MTAP: variants seen among roughly 807,000 people sequenced by gnomAD.
MTAP encodes S-methyl-5'-thioadenosine phosphorylase.
In MTAP, 33 loss-of-function variants were observed where a neutral mutation model predicts 33.6. The ratio of observed to expected loss-of-function variants is 0.98; its 90% confidence interval spans 0.74 to 1.31. The LOEUF (loss-of-function observed/expected upper bound fraction) is 1.31. MTAP is among the 40% of genes most tolerant of loss of function. MTAP has a pLI of 0.00. For missense variants in MTAP, 367 were observed against 360.0 expected, an observed-to-expected ratio of 1.02 and a Z score of -0.16; for synonymous variants, 148 against 125.7, an observed-to-expected ratio of 1.18 and a Z score of -1.19.
downstream of MTAP, chr9:21,932,089 G>C (rs1030000783): frequency 6.6e-6 from 1 of 152,084 alleles, no homozygotes; most frequent in Admixed American, 6.6e-5. Context: ...AAAAATGTAC[G>C]TTGACTGACT....
intron 4 of MTAP, among the ~76,000 whole-genome samples, chr9:21,819,353 A>C (rs1444500703): frequency 6.6e-6 from 1 of 152,018 alleles, no homozygotes; most frequent in East Asian, 1.9e-4. Flanking sequence ...AAGTGTTCTC[A>C]TTGTTCAGTT....
chr9:21,891,171 C>T (rs1045442438), intron 1 of MTAP, among the ~76,000 whole-genome samples: 1 of 152,060 alleles, frequency 6.6e-6, no homozygotes, highest in African/African-American at 2.4e-5. Flanking sequence ...ATTCAAGAAA[C>T]ATCAAGCCAC....
At chr9:21,848,554 G>C (rs760466035) in intron 5 of MTAP, among the ~76,000 whole-genome samples, 4 of 152,146 alleles carry the variant, frequency 2.6e-5, no homozygotes, top group Non-Finnish European at 4.4e-5. Flanking sequence ...GAACAAGCTG[G>C]AAATGCCTGA....
At chr9:21,819,842 G>T (rs1233258825) in intron 4 of MTAP, among the ~76,000 whole-genome samples, 1 of 152,214 alleles carries the variant, frequency 6.6e-6, no homozygotes. Flanking sequence ...TCTAACTGGT[G>T]TGAGATGGTA....
At chr9:21,910,332 ATAAAT>A (rs557853665) in intron 1 of MTAP, among the ~76,000 whole-genome samples, 394 of 152,240 alleles carry the variant, frequency 2.6e-3, no homozygotes, top group Non-Finnish European at 3.6e-3. Flanking sequence ...AAAAAAAGAA[ATAAAT>A]TATATAGTAT....
intron 5 of MTAP, among the ~76,000 whole-genome samples, chr9:21,839,221 G>A (rs1436475790): frequency 2.0e-5 from 3 of 146,606 alleles, no homozygotes; most frequent in Non-Finnish European, 4.5e-5. Flanking sequence ...GTATATGTAT[G>A]TATAGCATGT....
Position 21,854,780 on chromosome 9 carries a change from A to G in MTAP, c.600A>G (p.Pro200=). The change falls in exon 6 of 8, where the codon CCA becomes CCG. Residue 200 remains proline, a synonymous_variant. Transcript: ENST00000644715. ...ATGTTATCAACATGACCACAGTTCC[A>G]GAGGTGGTTCTTGCTAAGGAGGCTG... ...GADVINMTTV[P]EVVLAKEAGI... 1 of 1,614,184 alleles carries G rather than the reference A, an allele frequency of 6.2e-7. No individual in the cohort carries two copies.
intron 4 of MTAP, 67 bp from the exon 5 acceptor site, chr9:21,837,841 C>A: frequency 7.7e-7 from 1 of 1,297,360 alleles, no homozygotes; most frequent in Non-Finnish European, 1.1e-6. Context: ...GACTCACCAG[C>A]CCTCGGAGGA....
chr9:21,864,552 C>T lies in MTAP; in HGVS notation c.*2538C>T, dbSNP rs1028043095. ...TGCTGTTATATTTGGCATGGATTTTCATGGTTTTGAGAATGACATCCTGGC... is the reference window on the plus strand; with the variant it reads ...TGCTGTTATATTTGGCATGGATTTTTATGGTTTTGAGAATGACATCCTGGC... On this transcript the variant is annotated 3_prime_UTR_variant, in exon 8 of 8. Transcript: ENST00000644715. The T allele has an allele frequency of 3.0e-6, 3 of 985,244 alleles. No individual in the cohort carries two copies. The African/African-American group carries it at 5.2e-5, about 17-fold the overall frequency. 61.0% of individuals were successfully genotyped at this position (985,244 alleles called of 1,614,324 possible). A position where few individuals can be genotyped will look rare whatever the true frequency, so the allele number is the denominator to read the frequency against.
At chr9:21,897,220 G>A (rs1411894780) in intron 1 of MTAP, among the ~76,000 whole-genome samples, 1 of 152,168 alleles carries the variant, frequency 6.6e-6, no homozygotes, top group African/African-American at 2.4e-5. Flanking sequence ...AGGTATTGAT[G>A]GGATGTATCT....
At chr9:21,857,695 A>T (rs1291972896) in intron 6 of MTAP, among the ~76,000 whole-genome samples, 1 of 152,212 alleles carries the variant, frequency 6.6e-6, no homozygotes, top group Non-Finnish European at 1.5e-5. Context: ...TCCCATCAAT[A>T]ATTTTATCCA....
intron 4 of MTAP, among the ~76,000 whole-genome samples, chr9:21,830,459 C>T (rs1200254359): frequency 3.3e-5 from 5 of 152,180 alleles, no homozygotes; most frequent in African/African-American, 1.2e-4. Flanking sequence ...TTGTTAGAGC[C>T]ACAAGTCATT....
chr9:21,940,346 G>C (rs1055672151), downstream of MTAP, among the ~76,000 whole-genome samples: 1 of 152,136 alleles, frequency 6.6e-6, no homozygotes, highest in South Asian at 2.1e-4. Context: ...AAGTGTAACG[G>C]GACTAGGCCT....
At chr9:21,879,933 C>T (rs1310386237) in intron 1 of MTAP, among the ~76,000 whole-genome samples, 2 of 151,994 alleles carry the variant, frequency 1.3e-5, no homozygotes, top group African/African-American at 2.4e-5. Context: ...CTTTTGTAGG[C>T]GGCCTGCCCT....
downstream of MTAP, chr9:21,937,701 T>C (rs1406476142): frequency 6.6e-6 from 1 of 152,238 alleles, no homozygotes; most frequent in Non-Finnish European, 1.5e-5. Flanking sequence ...TTTTGATATA[T>C]TTAATCAAGT....
At chr9:21,803,039 A>ACACACACACACC (rs1554640712) in intron 1 of MTAP, 2 of 472,324 alleles carry the variant, frequency 4.2e-6, no homozygotes, top group African/African-American at 5.0e-5. Context: ...CACACACACC[A>ACACACACACACC]CCTTTTGGCT....
chr9:21,826,769 G>A (rs1189030266), intron 4 of MTAP, among the ~76,000 whole-genome samples: 3 of 152,022 alleles, frequency 2.0e-5, no homozygotes, highest in African/African-American at 7.3e-5. Flanking sequence ...AGGGAAAGTG[G>A]TGGTCTCTAG....
chr9:21,908,153 C>T (rs1818504607), intron 1 of MTAP, among the ~76,000 whole-genome samples: 1 of 152,162 alleles, frequency 6.6e-6, no homozygotes, highest in South Asian at 2.1e-4. Flanking sequence ...CTGGTAACCA[C>T]TGATTCTTTC....
chr9:21,863,640 T>C lies in MTAP; in HGVS notation c.*1626T>C. ...TCAGTCTCAAAAAAAAAAAAAAGAG[T>C]GAAATGCTTTTTGTTTGCTTCAGTT... On this transcript the variant is annotated 3_prime_UTR_variant, in exon 8 of 8. Coordinates refer to ENST00000644715, the MANE Select transcript of MTAP (RefSeq NM_002451.4). 1 of 982,292 alleles carries C rather than the reference T, an allele frequency of 1.0e-6. No individual in the cohort carries two copies. Among genetic ancestry groups the C allele is most frequent in the African/African-American group, 1.8e-5 (1 of 56,318 alleles). The allele number at this position is 982,292 out of a possible 1,614,324, so 60.8% of individuals were successfully genotyped here.
Sources: allele counts gnomAD v4.1 joint callset (sites outside exome capture counted in the v4.1 genomes callset), GRCh38; gene constraint gnomAD v4.1.1; transcripts MANE v1.5; gene names NCBI Gene and HGNC (gene_info 2026-07-23, HGNC 2026-07-21).